Variants in PRKCA observed in about 807,000 individuals in gnomAD.
The protein encoded by PRKCA is protein kinase C alpha type.
In PRKCA, 27 loss-of-function variants were observed where a neutral mutation model predicts 87.0. The observed-to-expected ratio is 0.31, with a 90% confidence interval of 0.23 to 0.43. The LOEUF (loss-of-function observed/expected upper bound fraction) is 0.43, where lower values mean the gene tolerates loss of function less well. PRKCA is among the 20% of genes least tolerant of loss of function. PRKCA has a pLI of 1.00. For synonymous variants in PRKCA, 329 were observed against 311.1 expected (o/e 1.06, Z -0.61); for missense variants, 518 against 852.3 (o/e 0.61, Z 4.88).
intron 3 of PRKCA, among the ~76,000 whole-genome samples, chr17:66,626,912 G>A (rs1357203389): frequency 6.6e-6 from 1 of 152,198 alleles, no homozygotes; most frequent in Non-Finnish European, 1.5e-5. Context: ...CTCAAAAAGA[G>A]CATTCTCACT....
At chr17:66,469,839 C>G (rs1915245410) in intron 2 of PRKCA, among the ~76,000 whole-genome samples, 1 of 152,058 alleles carries the variant, frequency 6.6e-6, no homozygotes, top group Non-Finnish European at 1.5e-5. Flanking sequence ...GGAAGTAAAT[C>G]AGAAGTACCC....
chr17:66,519,415 G>A (rs1440515331), intron 3 of PRKCA, among the ~76,000 whole-genome samples: 2 of 152,162 alleles, frequency 1.3e-5, no homozygotes, highest in Non-Finnish European at 2.9e-5. Context: ...ATTTTATGAT[G>A]TACGTGATTT....
intron 2 of PRKCA, among the ~76,000 whole-genome samples, chr17:66,482,186 G>T (rs1446016340): frequency 6.6e-6 from 1 of 151,824 alleles, no homozygotes; most frequent in East Asian, 1.9e-4. Context: ...AAGGATACAT[G>T]TGGGTCTTGC....
chr17:66,691,036 T>G (rs1016491915), intron 8 of PRKCA, among the ~76,000 whole-genome samples: 6 of 150,250 alleles, frequency 4.0e-5, no homozygotes, highest in African/African-American at 1.5e-4. Context: ...GAGAATCACT[T>G]GAACCTGGGC....
At chr17:66,778,189 T>G in intron 14 of PRKCA, 1 of 985,368 alleles carries the variant, frequency 1.0e-6, no homozygotes, top group Non-Finnish European at 1.2e-6. Flanking sequence ...CTGCCTTATA[T>G]GCATACTTTC....
At chr17:66,629,528 C>T (rs1970952567) in intron 3 of PRKCA, among the ~76,000 whole-genome samples, 1 of 152,180 alleles carries the variant, frequency 6.6e-6, no homozygotes, top group Non-Finnish European at 1.5e-5. Context: ...GTCGTACAGA[C>T]TTGGCCATGA....
At chr17:66,630,444 A>C (rs1970979491) in intron 3 of PRKCA, among the ~76,000 whole-genome samples, 1 of 152,216 alleles carries the variant, frequency 6.6e-6, no homozygotes, top group South Asian at 2.1e-4. Flanking sequence ...CTGGATGCAG[A>C]GCATCCCCAA....
intron 2 of PRKCA, among the ~76,000 whole-genome samples, chr17:66,337,549 C>T (rs1208561451): frequency 6.6e-6 from 1 of 151,518 alleles, no homozygotes; most frequent in Non-Finnish European, 1.5e-5. Flanking sequence ...GCCACCATGG[C>T]CAGCTATTTT....
intron 8 of PRKCA, chr17:66,696,396 T>C (rs1356318072): frequency 6.6e-6 from 1 of 152,236 alleles, no homozygotes; most frequent in Admixed American, 6.5e-5. Flanking sequence ...TTCCTTAAAC[T>C]CTCTGACCTT....
intron 3 of PRKCA, among the ~76,000 whole-genome samples, chr17:66,625,578 G>C (rs1164498081): frequency 6.6e-6 from 1 of 152,178 alleles, no homozygotes; most frequent in Non-Finnish European, 1.5e-5. Context: ...TATCATGATA[G>C]GCTGCTGCTT....
chr17:66,507,317 G>C (rs1165258471), intron 3 of PRKCA, among the ~76,000 whole-genome samples: 1 of 152,178 alleles, frequency 6.6e-6, no homozygotes, highest in Non-Finnish European at 1.5e-5. Context: ...ATTCTCCCGA[G>C]TGCAGTAGTA....
intron 2 of PRKCA, among the ~76,000 whole-genome samples, chr17:66,362,673 G>GTT (rs34171506): frequency 7.0e-6 from 1 of 143,692 alleles, no homozygotes; most frequent in Admixed American, 6.9e-5. Flanking sequence ...TGCCTTGCAG[G>GTT]TTTTTTTTTT....
intron 3 of PRKCA, among the ~76,000 whole-genome samples, chr17:66,544,409 G>C (rs1968086092): frequency 1.3e-5 from 2 of 152,094 alleles, no homozygotes. Context: ...GGGACTTAAA[G>C]TGCGTTTTAG....
intron 3 of PRKCA, among the ~76,000 whole-genome samples, chr17:66,604,400 C>T (rs867155475): frequency 2.6e-5 from 4 of 152,308 alleles, no homozygotes; most frequent in African/African-American, 7.2e-5. Flanking sequence ...TATTCTGTTT[C>T]TCCATGTGTT....
chr17:66,782,511 A>C (rs913756057), intron 14 of PRKCA, among the ~76,000 whole-genome samples: 3 of 152,168 alleles, frequency 2.0e-5, no homozygotes, highest in Admixed American at 1.3e-4. Flanking sequence ...GCAGCTGGGA[A>C]GGAGGGAGGC....
At chr17:66,562,592 T>TG (rs910588489) in intron 3 of PRKCA, among the ~76,000 whole-genome samples, 7 of 150,724 alleles carry the variant, frequency 4.6e-5, no homozygotes, top group East Asian at 2.0e-4. Flanking sequence ...TTTGTTTTTT[T>TG]TTGTTGTTGT....
intron 1 of PRKCA, among the ~76,000 whole-genome samples, chr17:66,303,501 G>C (rs760787919): frequency 1.1e-3 from 12 of 10,746 alleles, no homozygotes; most frequent in Non-Finnish European, 2.6e-3. Flanking sequence ...GCGCGTTCGG[G>C]GTGGGGGGGT....
chr17:66,671,102 T>C (rs983767052), intron 5 of PRKCA, among the ~76,000 whole-genome samples: 1 of 144,798 alleles, frequency 6.9e-6, no homozygotes, highest in African/African-American at 2.5e-5. Context: ...TCCCAGCTAC[T>C]TGGGAGGCTG....
At chr17:66,463,617 G>A (rs1216201234) in intron 2 of PRKCA, among the ~76,000 whole-genome samples, 6 of 152,020 alleles carry the variant, frequency 3.9e-5, no homozygotes, top group Non-Finnish European at 5.9e-5. Flanking sequence ...GGTTGGTCTC[G>A]ATCTCCTGAC....
Sources: allele counts gnomAD v4.1 joint callset (sites outside exome capture counted in the v4.1 genomes callset), GRCh38; gene constraint gnomAD v4.1.1; transcripts MANE v1.5; gene names NCBI Gene and HGNC (gene_info 2026-07-23, HGNC 2026-07-21).